LRRIQ1: variants seen among roughly 807,000 people sequenced by gnomAD.
LRRIQ1 encodes the protein leucine rich repeats and IQ motif containing 1.
In LRRIQ1, 210 loss-of-function variants were observed where a neutral mutation model predicts 211.9. The observed-to-expected ratio is 0.99, with a 90% CI of 0.89 to 1.11. The LOEUF is 1.11. Among genes scored for constraint, LRRIQ1 ranks in the 50% most tolerant of loss-of-function variants. LRRIQ1 has a pLI of 0.00. For synonymous variants in LRRIQ1, 699 were observed against 650.1 expected, an observed-to-expected ratio of 1.08 and a Z score of -1.14; for missense variants, 2,136 against 1,939.5, an observed-to-expected ratio of 1.10 and a Z score of -1.90.
At chr12:85,262,760 T>G (rs954159431) in intron 1 of LRRIQ1, among the ~76,000 whole-genome samples, 1 of 152,134 alleles carries the variant, frequency 6.6e-6, no homozygotes, top group Non-Finnish European at 1.5e-5. Context: ...TATTACTTTG[T>G]AAACAAAAAT....
At chr12:85,249,981 AT>A (rs892807785), downstream of LRRIQ1, among the ~76,000 whole-genome samples, 84 of 149,632 alleles carry the variant, frequency 5.6e-4, no homozygotes, top group East Asian at 7.5e-3. Context: ...TGTTGTACTA[AT>A]TTTTTTTTTA....
chr12:85,245,974 G>A (rs903710074), downstream of LRRIQ1, among the ~76,000 whole-genome samples: 7 of 150,856 alleles, frequency 4.6e-5, no homozygotes, highest in East Asian at 1.9e-4. Context: ...TGTGCTCTCC[G>A]GATAAATGAA....
At chr12:85,174,143 A>G (rs1361630952) in intron 24 of LRRIQ1, among the ~76,000 whole-genome samples, 2 of 152,112 alleles carry the variant, frequency 1.3e-5, no homozygotes, top group Non-Finnish European at 2.9e-5. Context: ...GATGAAAAAC[A>G]TCTTCAAGAA....
intron 1 of LRRIQ1, among the ~76,000 whole-genome samples, chr12:85,250,281 T>G (rs775300377): frequency 6.6e-6 from 1 of 151,844 alleles, no homozygotes; most frequent in Non-Finnish European, 1.5e-5. Flanking sequence ...TATCATATCT[T>G]CTCAGAGCTT....
intron 9 of LRRIQ1, among the ~76,000 whole-genome samples, chr12:85,066,003 A>C (rs1466003263): frequency 6.6e-6 from 1 of 151,890 alleles, no homozygotes; most frequent in Non-Finnish European, 1.5e-5. Context: ...AGTGCTTATA[A>C]AACATCTGCT....
intron 18 of LRRIQ1, among the ~76,000 whole-genome samples, chr12:85,129,383 A>G (rs1484127255): frequency 6.6e-6 from 1 of 152,112 alleles, no homozygotes; most frequent in African/African-American, 2.4e-5. Context: ...AAAATTTAGC[A>G]TTTCCCTTTA....
At chr12:85,157,198 G>A (rs1229850507) in intron 23 of LRRIQ1, among the ~76,000 whole-genome samples, 3 of 151,870 alleles carry the variant, frequency 2.0e-5, no homozygotes, top group African/African-American at 4.8e-5. Flanking sequence ...CAAACTGAGC[G>A]AGGAAAGATG....
chr12:85,210,267 G>A (rs1398607716), intron 24 of LRRIQ1, among the ~76,000 whole-genome samples: 1 of 152,084 alleles, frequency 6.6e-6, no homozygotes, highest in African/African-American at 2.4e-5. Context: ...AGTACATTCT[G>A]AAGAATAGCT....
At chr12:85,122,775 T>A (rs951829279) in intron 16 of LRRIQ1, among the ~76,000 whole-genome samples, 6 of 152,102 alleles carry the variant, frequency 3.9e-5, no homozygotes, top group Non-Finnish European at 8.8e-5. Context: ...TAAGTAATGT[T>A]TAATGTAACA....
chr12:85,244,372 A>G (rs1374540872), intron 26 of LRRIQ1, among the ~76,000 whole-genome samples: 1 of 151,580 alleles, frequency 6.6e-6, no homozygotes. Context: ...TTTTATTGAT[A>G]AGACTAATAC....
At chr12:85,183,494 T>C (rs149563274) in intron 24 of LRRIQ1, among the ~76,000 whole-genome samples, 148 of 152,264 alleles carry the variant, frequency 9.7e-4, no homozygotes, top group African/African-American at 3.4e-3. Flanking sequence ...AAATTCTCCT[T>C]GATTTTTTTT....
chr12:85,197,228 T>A (rs1189393957), intron 24 of LRRIQ1, among the ~76,000 whole-genome samples: 1 of 151,816 alleles, frequency 6.6e-6, no homozygotes, highest in African/African-American at 2.4e-5. Context: ...ACACTGTTGG[T>A]GGGACTTTAA....
chr12:85,209,058 A>G (rs1283477408), intron 24 of LRRIQ1, among the ~76,000 whole-genome samples: 1 of 152,186 alleles, frequency 6.6e-6, no homozygotes, highest in Non-Finnish European at 1.5e-5. Context: ...GGACCAGTCT[A>G]AGATTTAGAA....
intron 24 of LRRIQ1, among the ~76,000 whole-genome samples, chr12:85,170,639 A>G (rs1309477493): frequency 6.6e-6 from 1 of 151,696 alleles, no homozygotes; most frequent in Non-Finnish European, 1.5e-5. Flanking sequence ...GAAATGGACC[A>G]TATGTAGCCT....
At chr12:85,172,901 G>T (rs1380351509) in intron 24 of LRRIQ1, among the ~76,000 whole-genome samples, 2 of 151,934 alleles carry the variant, frequency 1.3e-5, no homozygotes, top group Non-Finnish European at 2.9e-5. Context: ...AAGATCAAGA[G>T]ATCGAGACCA....
At chr12:85,110,576 A>G (rs1295984051) in intron 15 of LRRIQ1, among the ~76,000 whole-genome samples, 5 of 152,148 alleles carry the variant, frequency 3.3e-5, no homozygotes, top group Non-Finnish European at 7.4e-5. Context: ...ATAAAACACT[A>G]GTGTCAAATG....
rs1181794781 is a variant in LRRIQ1, at chr12:85,064,741, A to G, written c.2392-521A>G. Among the ~76,000 whole-genome samples the G allele has an allele frequency of 7.9e-5, 12 of 151,948 alleles. No homozygotes were observed. In the East Asian group the frequency reaches 2.3e-3, roughly 29 times the overall value. On this transcript the variant is annotated intron_variant, in intron 8 of 26. Transcript: ENST00000393217. ...TGGGGGTCTAGTTTCATTTTTCTGC[A>G]TATGGATATCCAGTGTTTTCCAGCA...
intron 25 of LRRIQ1, among the ~76,000 whole-genome samples, chr12:85,231,600 T>A (rs1241222833): frequency 6.6e-6 from 1 of 152,162 alleles, no homozygotes; most frequent in Non-Finnish European, 1.5e-5. Flanking sequence ...AGAATCTGCT[T>A]GGTGTCTGAT....
intron 15 of LRRIQ1, among the ~76,000 whole-genome samples, chr12:85,108,817 T>A (rs1338442039): frequency 6.6e-6 from 1 of 152,148 alleles, no homozygotes; most frequent in East Asian, 1.9e-4. Context: ...AAAATGAGTT[T>A]GCCAATACAA....
Sources: gnomAD v4.1 joint callset for allele counts (sites outside exome capture counted in the v4.1 genomes callset) on GRCh38, gnomAD v4.1.1 for gene constraint, MANE v1.5 for transcripts, NCBI Gene and HGNC (gene_info 2026-07-23, HGNC 2026-07-21) for gene names.